Variants in SMG6 observed in about 807,000 individuals in gnomAD.
SMG6 encodes the protein SMG6 nonsense mediated mRNA decay factor.
SMG6 carries 66 observed loss-of-function variants against 142.2 expected under a neutral mutation model. The ratio of observed to expected loss-of-function variants is 0.46; its 90% CI spans 0.38 to 0.57. SMG6 has a LOEUF of 0.57. SMG6 is among the 20% of genes least tolerant of loss of function. SMG6 has a pLI of 0.00. For synonymous variants in SMG6, 779 were observed against 702.4 expected, an observed-to-expected ratio of 1.11 and a Z score of -1.72; for missense variants, 1,793 against 1,832.0, an observed-to-expected ratio of 0.98 and a Z score of 0.39.
intron 6 of SMG6, among the ~76,000 whole-genome samples, chr17:2,285,697 G>A (rs914387257): frequency 3.3e-5 from 5 of 151,622 alleles, no homozygotes; most frequent in African/African-American, 4.8e-5. Context: ...TTTTTGAGAC[G>A]AAGTCTCGCT....
chr17:2,243,717 G>C (rs764480206), intron 9 of SMG6, among the ~76,000 whole-genome samples: 1 of 152,172 alleles, frequency 6.6e-6, no homozygotes, highest in Non-Finnish European at 1.5e-5. Flanking sequence ...ATAAACTTAC[G>C]AAGTTATGAC....
At chr17:2,093,354 T>C (rs1383679542) in intron 13 of SMG6, among the ~76,000 whole-genome samples, 1 of 151,762 alleles carries the variant, frequency 6.6e-6, no homozygotes, top group Non-Finnish European at 1.5e-5. Context: ...GCCGGGGAAG[T>C]CAGAGCTGCA....
intron 15 of SMG6, among the ~76,000 whole-genome samples, chr17:2,076,933 C>T (rs1220899896): frequency 6.6e-6 from 1 of 152,184 alleles, no homozygotes; most frequent in Non-Finnish European, 1.5e-5. Flanking sequence ...CTGGACAGGG[C>T]CCACCAGGCG....
At chr17:2,196,521 T>C (rs191260632) in intron 10 of SMG6, among the ~76,000 whole-genome samples, 91 of 152,350 alleles carry the variant, frequency 6.0e-4, no homozygotes, top group African/African-American at 2.0e-3. Flanking sequence ...TGCCAGTTAA[T>C]TGTTTAACGC....
chr17:2,260,218 T>C (rs917177757), intron 8 of SMG6, among the ~76,000 whole-genome samples: 1 of 152,240 alleles, frequency 6.6e-6, no homozygotes, highest in Non-Finnish European at 1.5e-5. Context: ...GGCATTCGCC[T>C]TGACACTAAA....
At chr17:2,210,352 C>A (rs1597607763) in intron 10 of SMG6, among the ~76,000 whole-genome samples, 3 of 150,706 alleles carry the variant, frequency 2.0e-5, no homozygotes, top group Admixed American at 2.0e-4. Flanking sequence ...AACTTCTGGG[C>A]TCAAGCGATC....
intron 6 of SMG6, among the ~76,000 whole-genome samples, chr17:2,287,017 C>T (rs934316287): frequency 6.0e-5 from 9 of 150,260 alleles, no homozygotes; most frequent in African/African-American, 1.2e-4. Context: ...CTGCAAGCTC[C>T]GCCTCTCGGG....
At chr17:2,288,127 A>C (rs577598994) in intron 6 of SMG6, among the ~76,000 whole-genome samples, 1 of 152,232 alleles carries the variant, frequency 6.6e-6, no homozygotes, top group South Asian at 2.1e-4. Context: ...CAGCCTGGCC[A>C]ACATGGTGAA....
chr17:2,166,170 C>T (rs1398395747), intron 13 of SMG6, among the ~76,000 whole-genome samples: 2 of 152,000 alleles, frequency 1.3e-5, no homozygotes, highest in African/African-American at 4.8e-5. Flanking sequence ...CGGGGGGTCA[C>T]GCCACTGCAC....
Position 2,299,871 on chromosome 17 carries a change from C to T in SMG6, c.882G>A (p.Lys294=). 6.2e-7 allele frequency: 1 copy of T among 1,614,114 alleles called. No homozygotes were observed. The highest frequency in any genetic ancestry group is 8.5e-7 in the Non-Finnish European group (1 of 1,179,968). The change falls in exon 2 of 19, where the codon AAG becomes AAA. Residue 294 remains lysine (K), a synonymous_variant. Coordinates refer to ENST00000263073, the MANE Select transcript of SMG6 (RefSeq NM_017575.5). This position sits in a 1 kb window ranked among gnomAD's most constrained non-coding sequence, Gnocchi z 4.3. The stretch of plus-strand genomic sequence containing the variant: ...AATCGGTTGAGGACACAGACACTTG[C>T]TTCTTCAGTCGTGGCCTCTCCTTGG... ...DRTKERPRLK[K]QVSVSSTDSL... is the part of the protein sequence containing the mutation.
intron 8 of SMG6, among the ~76,000 whole-genome samples, chr17:2,247,312 G>A (rs1202342651): frequency 6.6e-6 from 1 of 152,138 alleles, no homozygotes; most frequent in Non-Finnish European, 1.5e-5. Context: ...CCACAGATAG[G>A]ATGTTATTTC....
chr17:2,175,968 C>T (rs886333014), intron 12 of SMG6, among the ~76,000 whole-genome samples: 9 of 152,180 alleles, frequency 5.9e-5, no homozygotes, highest in Non-Finnish European at 1.0e-4. Context: ...GAACACAACA[C>T]AACTACCCAG....
chr17:2,117,524 A>T (rs2069545683), intron 13 of SMG6: 1 of 152,214 alleles, frequency 6.6e-6, no homozygotes, highest in Non-Finnish European at 1.5e-5. Flanking sequence ...AGACTGGTAA[A>T]TACAATTTAG....
chr17:2,104,107 T>A lies in SMG6; in HGVS notation c.3358-18206A>T, dbSNP rs1285610824. On this transcript the variant is annotated intron_variant, in intron 13 of 18. Coordinates refer to ENST00000263073, the MANE Select transcript of SMG6 (RefSeq NM_017575.5). ...GCTGGGACTACAGGCGCCCACCACCTCGCCCGGCTAATTTTTTGTATTTTT... is the reference window on the plus strand; with the variant it reads ...GCTGGGACTACAGGCGCCCACCACCACGCCCGGCTAATTTTTTGTATTTTT... 6.6e-5 allele frequency among the ~76,000 whole-genome samples: 10 copies of A among 151,918 alleles called. No homozygotes were observed. The South Asian group carries it at 1.2e-3, about 19-fold the overall frequency.
At chr17:2,182,629 T>C (rs1022256791) in intron 12 of SMG6, among the ~76,000 whole-genome samples, 1 of 152,146 alleles carries the variant, frequency 6.6e-6, no homozygotes, top group Admixed American at 6.5e-5. Flanking sequence ...CCCATGAGTC[T>C]AGGAGACTCA....
At chr17:2,149,299 G>A (rs1485402582) in intron 13 of SMG6, among the ~76,000 whole-genome samples, 3 of 126,150 alleles carry the variant, frequency 2.4e-5, no homozygotes, top group South Asian at 2.5e-4. Flanking sequence ...GCAGTGAGCC[G>A]AGATCACACC....
intron 8 of SMG6, chr17:2,265,790 T>C (rs1030641509): frequency 5.5e-6 from 1 of 181,904 alleles, no homozygotes; most frequent in East Asian, 1.9e-4. Flanking sequence ...TTCTAGGGTA[T>C]TACCTGAATC....
chr17:2,156,058 A>C (rs1229349835), intron 13 of SMG6, among the ~76,000 whole-genome samples: 1 of 148,552 alleles, frequency 6.7e-6, no homozygotes, highest in Middle Eastern at 3.4e-3. Flanking sequence ...TTTTTTTTAA[A>C]ATAATGAACA....
intron 10 of SMG6, among the ~76,000 whole-genome samples, chr17:2,208,644 T>C (rs574469138): frequency 5.3e-5 from 8 of 152,352 alleles, no homozygotes; most frequent in Admixed American, 1.3e-4. Flanking sequence ...ACTTAGTTTT[T>C]GAAGATGAAT....
Sources: allele counts gnomAD v4.1 joint callset (sites outside exome capture counted in the v4.1 genomes callset), GRCh38; gene constraint gnomAD v4.1.1; non-coding constraint Gnocchi (gnomAD v3.1); transcripts MANE v1.5; gene names NCBI Gene and HGNC (gene_info 2026-07-23, HGNC 2026-07-21).